Variants in ACTR3B observed in about 807,000 individuals in gnomAD.
The protein encoded by ACTR3B is actin related protein 3B.
Under a neutral mutation model 59.0 loss-of-function variants are expected in ACTR3B, and 8 were observed. The ratio of observed to expected loss-of-function variants is 0.14; its 90% CI spans 0.08 to 0.24. ACTR3B has a LOEUF of 0.24. Ranked by LOEUF, ACTR3B falls within the 10% of genes least tolerant of loss-of-function variation. The pLI is 1.00. For synonymous variants in ACTR3B, 148 were observed against 197.9 expected, an observed-to-expected ratio of 0.75 and a Z score of 2.12; for missense variants, 245 against 552.3, an observed-to-expected ratio of 0.44 and a Z score of 5.58.
chr7:152,827,738 G>A (rs940216956), intron 9 of ACTR3B, among the ~76,000 whole-genome samples: 1 of 152,198 alleles, frequency 6.6e-6, no homozygotes, highest in African/African-American at 2.4e-5. Context: ...GCGGGAGGGT[G>A]ATAGAATGTT....
At chr7:152,794,901 C>T in intron 2 of ACTR3B, among the ~76,000 whole-genome samples, 1 of 152,154 alleles carries the variant, frequency 6.6e-6, no homozygotes, top group Admixed American at 6.5e-5. Context: ...ATCTTTGAGA[C>T]TTTAAATGTG....
intron 2 of ACTR3B, among the ~76,000 whole-genome samples, chr7:152,793,012 T>C (rs2098202402): frequency 6.6e-6 from 1 of 151,326 alleles, no homozygotes; most frequent in African/African-American, 2.4e-5. Context: ...GAAATGTCCT[T>C]AGAAGCTGAA....
At chr7:152,808,850 G>A (rs946376462) in intron 4 of ACTR3B, among the ~76,000 whole-genome samples, 1 of 152,126 alleles carries the variant, frequency 6.6e-6, no homozygotes, top group Non-Finnish European at 1.5e-5. Flanking sequence ...GTGTTTACAA[G>A]TATTAACTCA....
At chr7:152,815,620 A>G (rs35606376) in intron 5 of ACTR3B, among the ~76,000 whole-genome samples, 6 of 152,220 alleles carry the variant, frequency 3.9e-5, no homozygotes, top group African/African-American at 9.6e-5. Context: ...GGAGCGTAGC[A>G]GCATCCCTGG....
intron 1 of ACTR3B, among the ~76,000 whole-genome samples, chr7:152,761,300 A>AG (rs2098088644): frequency 6.6e-6 from 1 of 152,098 alleles, no homozygotes; most frequent in South Asian, 2.1e-4. Context: ...GGTTCACCTC[A>AG]GGTCCCCTCA....
intron 9 of ACTR3B, among the ~76,000 whole-genome samples, chr7:152,837,046 T>C (rs1464474561): frequency 6.6e-6 from 1 of 152,204 alleles, no homozygotes; most frequent in Non-Finnish European, 1.5e-5. Flanking sequence ...TATGGTGGCA[T>C]GCACCTGTAG....
Position 152,820,514 on chromosome 7 carries a change from C to T in ACTR3B, c.684+72C>T. ...TGTTCTGGACACTTCCCCTTGGTGCCATCATCCCTGCTCCTCCTTTCCTTC... is the reference window on the plus strand; with the variant it reads ...TGTTCTGGACACTTCCCCTTGGTGCTATCATCCCTGCTCCTCCTTTCCTTC... On this transcript the variant is annotated intron_variant, in intron 7 of 11. Coordinates refer to ENST00000256001, the MANE Select transcript of ACTR3B (RefSeq NM_020445.6). The T allele has an allele frequency of 2.0e-6, 3 of 1,530,276 alleles. No homozygotes were observed. The Admixed American group carries it at 5.9e-5, about 30-fold the overall frequency. The allele number at this position is 1,530,276 out of a possible 1,614,324, so 94.8% of individuals were successfully genotyped here. A position where few individuals can be genotyped will look rare whatever the true frequency, so the allele number is the denominator to read the frequency against.
At chr7:152,777,304 T>G (rs569923339) in intron 1 of ACTR3B, among the ~76,000 whole-genome samples, 19 of 152,242 alleles carry the variant, frequency 1.2e-4, no homozygotes, top group Admixed American at 1.2e-3. Flanking sequence ...CTGAACCAAT[T>G]GACCAGAAAA....
At position 152,838,867 on chromosome 7, in the gene ACTR3B, G is replaced by A. The variant is rs533009733; in HGVS notation, c.952-13259G>A. 2.0e-5 allele frequency among the ~76,000 whole-genome samples: 3 copies of A among 152,322 alleles called. 1 individual carries two copies. The South Asian group carries it at 6.2e-4, about 32-fold the overall frequency. ...TCTGTTTGTCCTGGGGAGACATGCT[G>A]TGTTGATGGGTGTTGTGTGCTGCTG... On this transcript the variant is annotated intron_variant, in intron 9 of 11. Coordinates refer to ENST00000256001, the MANE Select transcript of ACTR3B (RefSeq NM_020445.6).
At chr7:152,760,457 C>CACCT (rs202059248) in intron 1 of ACTR3B, among the ~76,000 whole-genome samples, 4,478 of 152,302 alleles carry the variant, frequency 0.029, 94 homozygotes, top group Middle Eastern at 0.099. Flanking sequence ...GATTCTTTAC[C>CACCT]ACCTACTTGT....
intron 2 of ACTR3B, among the ~76,000 whole-genome samples, chr7:152,788,201 C>T (rs1788909339): frequency 1.3e-5 from 2 of 151,914 alleles, no homozygotes; most frequent in South Asian, 4.2e-4. Context: ...CATGATCCTC[C>T]TGCCTTGGCC....
At chr7:152,836,575 A>G (rs899256189) in intron 9 of ACTR3B, among the ~76,000 whole-genome samples, 1 of 151,572 alleles carries the variant, frequency 6.6e-6, no homozygotes, top group Admixed American at 6.6e-5. Flanking sequence ...CGACAAAGGG[A>G]CACCCTATTT....
Position 152,854,379 on chromosome 7 carries a change from G to A in ACTR3B, c.1162-79G>A. The A allele has an allele frequency of 7.5e-7, 1 of 1,335,198 alleles. No individual in the cohort carries two copies. Among genetic ancestry groups the A allele is most frequent in the South Asian group, 1.2e-5 (1 of 85,028 alleles). The allele number at this position is 1,335,198 out of a possible 1,614,324, so 82.7% of individuals were successfully genotyped here. A position where few individuals can be genotyped will look rare whatever the true frequency, so the allele number is the denominator to read the frequency against. ...GGGTGGAGGCCGGGATGAGGAGAGT[G>A]TCTTGCCTGCTTGGTAGCTGGTTCC... On this transcript the variant is annotated intron_variant, in intron 11 of 11. Transcript: ENST00000256001. This position sits in a 1 kb window ranked among gnomAD's most constrained non-coding sequence, Gnocchi z 4.9.
intron 4 of ACTR3B, among the ~76,000 whole-genome samples, chr7:152,806,551 T>C (rs1175083072): frequency 6.6e-6 from 1 of 152,184 alleles, no homozygotes; most frequent in Non-Finnish European, 1.5e-5. Context: ...ATCTCTCTAC[T>C]CTAGTGTCTT....
rs928211920 is a variant in ACTR3B at position 152,855,317 on chromosome 7, T to C, written c.*764T>C. The C allele has an allele frequency of 6.6e-6, 1 of 152,174 alleles. No individual in the cohort carries two copies. The highest frequency in any genetic ancestry group is 2.4e-5 in the African/African-American group (1 of 41,432). 9.4% of individuals were successfully genotyped at this position (152,174 alleles called of 1,614,324 possible). ...AAGATGATGGTTTGTTGTCGGTGAG[T>C]GTTGGATGAAATACTTCCTTGCACC... is the stretch of plus-strand genomic sequence containing the variant. On this transcript the variant is annotated 3_prime_UTR_variant, in exon 12 of 12. Coordinates refer to ENST00000256001, the MANE Select transcript of ACTR3B (RefSeq NM_020445.6).
intron 9 of ACTR3B, among the ~76,000 whole-genome samples, chr7:152,844,605 C>T (rs1053388777): frequency 7.9e-5 from 12 of 151,758 alleles, no homozygotes; most frequent in African/African-American, 2.9e-4. Flanking sequence ...ATGATGATGT[C>T]GTCTGTTACA....
rs190975852 is a variant in ACTR3B at position 152,797,331 on chromosome 7, T to A, written c.101-3200T>A. Among the ~76,000 whole-genome samples, 1,459 of 152,272 alleles carry A rather than the reference T, an allele frequency of 9.6e-3. 11 individuals carry two copies. Among genetic ancestry groups the A allele is most frequent in the Non-Finnish European group, 0.015 (994 of 68,018 alleles). On this transcript the variant is annotated intron_variant, in intron 2 of 11. Transcript: ENST00000256001. ...CCTGAGCTCAAGCTATCCTCCTGCC[T>A]TAGCCTCCTGAGTCTCTGGGATTAC... is the stretch of plus-strand genomic sequence containing the variant.
intron 9 of ACTR3B, among the ~76,000 whole-genome samples, chr7:152,835,924 C>T (rs1273144577): frequency 1.3e-5 from 2 of 151,112 alleles, no homozygotes; most frequent in Non-Finnish European, 2.9e-5. Flanking sequence ...ATGCGAGGTG[C>T]TCAGTAAATG....
chr7:152,813,423 C>T (rs2116815623), intron 4 of ACTR3B: 1 of 152,110 alleles, frequency 6.6e-6, no homozygotes, highest in South Asian at 2.1e-4. Context: ...GTCATTTTGT[C>T]CTGTTTGATG....
Sources: gnomAD v4.1 joint callset for allele counts (sites outside exome capture counted in the v4.1 genomes callset) on GRCh38, gnomAD v4.1.1 for gene constraint, Gnocchi (gnomAD v3.1) non-coding constraint, MANE v1.5 for transcripts, NCBI Gene and HGNC (gene_info 2026-07-23, HGNC 2026-07-21) for gene names.